Variants in FARP1 observed in about 807,000 individuals in gnomAD.
FARP1 encodes FERM, ARH/RhoGEF and pleckstrin domain protein 1.
FARP1 carries 52 observed loss-of-function variants against 128.8 expected under a neutral mutation model. That is an observed-to-expected ratio of 0.40 (90% CI 0.32 to 0.51). The LOEUF (loss-of-function observed/expected upper bound fraction) is 0.51, where lower values mean the gene tolerates loss of function less well. FARP1 is among the 20% of genes least tolerant of loss of function. FARP1 has a pLI of 0.45. For missense variants in FARP1, 1,333 were observed against 1,367.9 expected (o/e 0.97, Z 0.40); for synonymous variants, 580 against 551.8 (o/e 1.05, Z -0.72).
chr13:98,148,974 C>CT (rs1875776240), intron 1 of FARP1, among the ~76,000 whole-genome samples: 1 of 152,006 alleles, frequency 6.6e-6, no homozygotes, highest in Non-Finnish European at 1.5e-5. Flanking sequence ...GCAGCCTCAA[C>CT]TTCCTGGGCT....
intron 26 of FARP1, 114 bp from the exon 27 acceptor site, chr13:98,448,122 A>G: frequency 2.4e-6 from 2 of 849,994 alleles, no homozygotes; most frequent in South Asian, 2.9e-5. Flanking sequence ...CTGAAGTGGC[A>G]GATTACCAAC....
intron 2 of FARP1, among the ~76,000 whole-genome samples, chr13:98,228,433 TA>T (rs59873385): frequency 0.068 from 9,974 of 146,406 alleles, 446 homozygotes; most frequent in African/African-American, 0.13. Flanking sequence ...AAATCACAAT[TA>T]AAAAAAAAAA....
chr13:98,412,094 A>G, intron 16 of FARP1, 60 bp downstream of exon 16: 1 of 1,554,168 alleles, frequency 6.4e-7, no homozygotes, highest in Non-Finnish European at 8.8e-7. Flanking sequence ...TGTTATTTTT[A>G]TGTCGTCCCT....
chr13:98,199,819 C>T (rs1879818321), intron 1 of FARP1, among the ~76,000 whole-genome samples: 3 of 152,144 alleles, frequency 2.0e-5, no homozygotes, highest in Admixed American at 2.0e-4. Flanking sequence ...ATTTAATTCA[C>T]CCTGACCTTT....
intron 1 of FARP1, among the ~76,000 whole-genome samples, chr13:98,205,993 T>TG (rs1375107124): frequency 6.6e-6 from 1 of 152,228 alleles, no homozygotes; most frequent in Non-Finnish European, 1.5e-5. Flanking sequence ...TTTAATCTGT[T>TG]GCATGTAACA....
At chr13:98,348,731 T>C (rs1888282202) in intron 3 of FARP1, among the ~76,000 whole-genome samples, 1 of 152,240 alleles carries the variant, frequency 6.6e-6, no homozygotes, top group Admixed American at 6.5e-5. Context: ...TATCACGAAA[T>C]GTGATTCTTT....
intron 16 of FARP1, among the ~76,000 whole-genome samples, chr13:98,416,119 G>T (rs1163908880): frequency 6.6e-6 from 1 of 152,206 alleles, no homozygotes; most frequent in East Asian, 1.9e-4. Flanking sequence ...TGTATGGTCT[G>T]CACCCATCCT....
intron 2 of FARP1, among the ~76,000 whole-genome samples, chr13:98,343,453 C>A (rs1418388417): frequency 6.6e-6 from 1 of 152,108 alleles, no homozygotes; most frequent in African/African-American, 2.4e-5. Context: ...GAAGTTTTTG[C>A]TCAACTTTTT....
chr13:98,254,957 A>G (rs1169653451), intron 2 of FARP1, among the ~76,000 whole-genome samples: 1 of 145,318 alleles, frequency 6.9e-6, no homozygotes, highest in Non-Finnish European at 1.5e-5. Context: ...TTTTTTTTTT[A>G]AAGGTTATTT....
At chr13:98,194,138 C>T (rs184951993) in intron 1 of FARP1, among the ~76,000 whole-genome samples, 91 of 151,676 alleles carry the variant, frequency 6.0e-4, no homozygotes, top group Middle Eastern at 6.8e-3. Flanking sequence ...TTTTTTGAGA[C>T]GAAGTTTTGC....
chr13:98,245,346 G>C (rs146098153), intron 2 of FARP1: 1 of 985,352 alleles, frequency 1.0e-6, no homozygotes, highest in Non-Finnish European at 1.2e-6. Flanking sequence ...CACTTTGTGG[G>C]ATGTTTATGT....
chr13:98,179,142 A>T (rs1390227905), intron 1 of FARP1, among the ~76,000 whole-genome samples: 1 of 152,214 alleles, frequency 6.6e-6, no homozygotes, highest in Non-Finnish European at 1.5e-5. Context: ...ATGGACTTAC[A>T]TTTCCATGTG....
intron 2 of FARP1, among the ~76,000 whole-genome samples, chr13:98,339,623 T>A (rs1887879783): frequency 1.3e-5 from 2 of 152,222 alleles, no homozygotes; most frequent in African/African-American, 4.8e-5. Context: ...CAGGGGAATT[T>A]GTGTAATGCT....
In FARP1 at chr13:98,388,475, C is replaced by T; in HGVS notation, c.852C>T (p.Ala284=). 1 of 1,612,202 alleles carries T rather than the reference C, an allele frequency of 6.2e-7. No individual in the cohort carries two copies. The highest frequency in any genetic ancestry group is 1.3e-5 in the African/African-American group (1 of 75,002). ...TTCTCATCAAGCTCCGGCCAGATGC[C>T]AATGTAAGTGGTCCTGGCGGGAAAG... ...KRFLIKLRPD[A]NSAYQDTLEF... Residue 284 remains alanine, a synonymous_variant, in exon 9 of 27, where the codon GCC becomes GCT. Transcript: ENST00000319562.
chr13:98,440,006 C>A lies in FARP1; in HGVS notation c.2479C>A (p.Leu827Ile). 1 of 1,602,640 alleles carries A rather than the reference C, an allele frequency of 6.2e-7. No homozygotes were observed. The highest frequency in any genetic ancestry group is 8.5e-7 in the Non-Finnish European group (1 of 1,171,964). The change falls in exon 22 of 27, where the codon CTC becomes ATC. Residue 827 changes from leucine (L) to isoleucine (I), a missense_variant. Physicochemically the swap from Leu to Ile is conservative, Grantham distance 5 (BLOSUM62 2). This residue lies in a region of FARP1 where 1,009 missense variants were observed against 969.8 expected (regional missense o/e 1.04). Coordinates refer to ENST00000319562, the MANE Select transcript of FARP1 (RefSeq NM_005766.4). ...DEWGVPHCLT[L>I]RGQRQSIIVA... ...GTGGGGGGTGCCCCACTGCCTGACC[C>A]TCCGGGGCCAGCGGCAGTCCATCAT...
chr13:98,289,584 C>A (rs1197966017), intron 2 of FARP1, among the ~76,000 whole-genome samples: 1 of 152,192 alleles, frequency 6.6e-6, no homozygotes, highest in African/African-American at 2.4e-5. Context: ...TGCAAGGCAT[C>A]CGGGCCAGCC....
At chr13:98,227,464 A>C (rs559146888) in intron 2 of FARP1, among the ~76,000 whole-genome samples, 23 of 152,010 alleles carry the variant, frequency 1.5e-4, no homozygotes, top group African/African-American at 4.6e-4. Context: ...AAAAAAAAAA[A>C]ACAGAAAAAA....
At position 98,185,695 on chromosome 13, in the gene FARP1, GGTTT is replaced by G. The variant is rs1326649682; in HGVS notation, c.-23-27512_-23-27509del. Among the ~76,000 whole-genome samples, 84 of 151,450 alleles carry G rather than the reference GGTTT, an allele frequency of 5.5e-4. 1 individual carries two copies. The highest frequency in any genetic ancestry group is 3.6e-4 in the African/African-American group (15 of 41,208). On this transcript the variant is annotated intron_variant, in intron 1 of 26. Transcript: ENST00000319562. ...GGTAAAATATGCATAAAATTTGATGGGTTTGTTTGTTTGTTTTTTTGAGATGGAG... is the reference window on the plus strand; with the variant it reads ...GGTAAAATATGCATAAAATTTGATGGGTTTGTTTGTTTTTTTGAGATGGAG...
chr13:98,357,729 G>GT (rs770747706), intron 3 of FARP1, among the ~76,000 whole-genome samples: 2 of 152,046 alleles, frequency 1.3e-5, no homozygotes, highest in Non-Finnish European at 2.9e-5. Context: ...GATTTTTGTT[G>GT]TTTCCTTGTG....
Sources: gnomAD v4.1 joint callset for allele counts (sites outside exome capture counted in the v4.1 genomes callset) on GRCh38, gnomAD v4.1.1 for gene constraint, gnomAD v4.1.1 regional missense constraint, MANE v1.5 for transcripts, NCBI Gene and HGNC (gene_info 2026-07-23, HGNC 2026-07-21) for gene names.